NLGN4X: variants seen among roughly 807,000 people sequenced by gnomAD.
NLGN4X encodes the protein neuroligin-4, X-linked.
A neutral mutation model predicts 40.3 loss-of-function variants in NLGN4X; 3 were observed. That is an observed-to-expected ratio of 0.07 (90% CI 0.03 to 0.19). The LOEUF is 0.19. NLGN4X is among the 10% of genes least tolerant of loss of function. The pLI, the probability that NLGN4X is intolerant of heterozygous loss-of-function variation, is 1.00. For missense variants in NLGN4X, 382 were observed against 708.3 expected (o/e 0.54, Z 5.23); for synonymous variants, 270 against 306.8 (o/e 0.88, Z 1.25).
chrX:6,105,441 A>G (rs1277049165), intron 2 of NLGN4X, among the ~76,000 whole-genome samples: 1 of 111,547 alleles, frequency 9.0e-6, no homozygotes, highest in African/African-American at 3.3e-5. Flanking sequence ...CAAAAAAAAA[A>G]GTACATTAGA....
intron 2 of NLGN4X, among the ~76,000 whole-genome samples, chrX:6,096,894 C>T (rs777824596): frequency 1.8e-5 from 2 of 110,556 alleles, no homozygotes; most frequent in South Asian, 7.7e-4. Flanking sequence ...AGGTTGGACT[C>T]GAAGTACGAA....
chrX:6,124,448 G>A (rs1001516283), intron 2 of NLGN4X, among the ~76,000 whole-genome samples: 3 of 111,966 alleles, frequency 2.7e-5, no homozygotes, highest in South Asian at 7.4e-4. Context: ...TTGGGAGGCC[G>A]AGGCTGGTGG....
At chrX:5,930,058 G>C (rs2033492336) in intron 3 of NLGN4X, among the ~76,000 whole-genome samples, 1 of 111,796 alleles carries the variant, frequency 8.9e-6, no homozygotes, top group African/African-American at 3.3e-5. Context: ...CTTATGACCT[G>C]GCTTTAGGGG....
chrX:6,228,030 C>T (rs1231738254), intron 1 of NLGN4X, among the ~76,000 whole-genome samples: 1 of 110,130 alleles, frequency 9.1e-6, no homozygotes, highest in Non-Finnish European at 1.9e-5. Context: ...AGAAGTCTTC[C>T]TGCCTTCACC....
chrX:6,032,086 G>A (rs2036874180), intron 2 of NLGN4X, among the ~76,000 whole-genome samples: 1 of 94,203 alleles, frequency 1.1e-5, no homozygotes, highest in Admixed American at 1.3e-4. Context: ...TGCTGTAAAA[G>A]GCAGTCCTGA....
chrX:6,177,458 G>A (rs185714349), intron 1 of NLGN4X, among the ~76,000 whole-genome samples: 14 of 112,032 alleles, frequency 1.2e-4, no homozygotes, highest in Non-Finnish European at 2.3e-4. Context: ...GAGCCACTGC[G>A]CCTGGCCCCA....
intron 3 of NLGN4X, among the ~76,000 whole-genome samples, chrX:5,945,370 T>C (rs1290883145): frequency 8.9e-6 from 1 of 111,973 alleles, no homozygotes; most frequent in Non-Finnish European, 1.9e-5. Flanking sequence ...ACTCCCAGAA[T>C]AAAATAAAAT....
At chrX:6,228,140 G>A (rs1306064554) in intron 1 of NLGN4X, among the ~76,000 whole-genome samples, 2 of 111,531 alleles carry the variant, frequency 1.8e-5, no homozygotes, top group African/African-American at 6.5e-5. Flanking sequence ...GTTTATTTGT[G>A]TGGAAGGCAG....
chrX:6,070,455 A>G (rs1284876155), intron 2 of NLGN4X, among the ~76,000 whole-genome samples: 3 of 111,834 alleles, frequency 2.7e-5, no homozygotes, highest in African/African-American at 9.7e-5. Flanking sequence ...TTCAATAGAA[A>G]CTTTTCAGCC....
chrX:6,037,327 T>TA (rs2037041318), intron 2 of NLGN4X, among the ~76,000 whole-genome samples: 1 of 107,424 alleles, frequency 9.3e-6, no homozygotes, highest in Non-Finnish European at 1.9e-5. Context: ...AAAATAAAAA[T>TA]AAAAAAATTA....
chrX:6,064,616 A>G (rs1344755690), intron 2 of NLGN4X, among the ~76,000 whole-genome samples: 1 of 111,421 alleles, frequency 9.0e-6, no homozygotes, highest in East Asian at 2.8e-4. Context: ...CTATGGAAGC[A>G]GGGGACAAGC....
chrX:6,136,972 A>G (rs1293960175), intron 2 of NLGN4X, among the ~76,000 whole-genome samples: 1 of 112,570 alleles, frequency 8.9e-6, no homozygotes, highest in Admixed American at 9.4e-5. Context: ...TGGCATTCTT[A>G]GGCAGCATAT....
chrX:6,045,846 G>A (rs1057463446), intron 2 of NLGN4X, among the ~76,000 whole-genome samples: 2 of 111,055 alleles, frequency 1.8e-5, no homozygotes, highest in South Asian at 3.8e-4. Flanking sequence ...CTACAGACTC[G>A]AAGCCTATAT....
At chrX:5,937,459 A>G (rs910475527) in intron 3 of NLGN4X, among the ~76,000 whole-genome samples, 14 of 111,669 alleles carry the variant, frequency 1.3e-4, no homozygotes, top group African/African-American at 4.6e-4. Flanking sequence ...AAAAATAACC[A>G]TATTAACCTG....
intron 2 of NLGN4X, chrX:6,061,542 G>A (rs958907423): frequency 1.8e-5 from 2 of 111,600 alleles, no homozygotes; most frequent in African/African-American, 3.3e-5. Context: ...CCCAATTGGG[G>A]CTTTTACCCC....
intron 3 of NLGN4X, among the ~76,000 whole-genome samples, chrX:5,959,123 A>T (rs1004000829): frequency 8.9e-5 from 10 of 111,862 alleles, no homozygotes; most frequent in Non-Finnish European, 1.5e-4. Flanking sequence ...TCCTTCCATA[A>T]ACTTGTGAGA....
At chrX:6,182,978 A>T (rs1179739907) in intron 1 of NLGN4X, among the ~76,000 whole-genome samples, 1 of 111,950 alleles carries the variant, frequency 8.9e-6, no homozygotes, top group Non-Finnish European at 1.9e-5. Flanking sequence ...GGAAAAACAA[A>T]TGTGACTGCT....
intron 2 of NLGN4X, among the ~76,000 whole-genome samples, chrX:6,102,469 G>C (rs1430933670): frequency 9.0e-6 from 1 of 111,002 alleles, no homozygotes; most frequent in Non-Finnish European, 1.9e-5. Flanking sequence ...GACACAGTGA[G>C]AAGGCGCTGT....
intron 2 of NLGN4X, among the ~76,000 whole-genome samples, chrX:6,045,442 C>G (rs1298402026): frequency 2.7e-5 from 3 of 111,294 alleles, no homozygotes; most frequent in Non-Finnish European, 5.7e-5. Flanking sequence ...CTCCAATGAT[C>G]ATTATAATAA....
Sources: allele counts gnomAD v4.1 joint callset (sites outside exome capture counted in the v4.1 genomes callset), GRCh38; gene constraint gnomAD v4.1.1; transcripts MANE v1.5; gene names NCBI Gene and HGNC (gene_info 2026-07-23, HGNC 2026-07-21).